Variants in SLC24A2 observed in about 807,000 individuals in gnomAD.
SLC24A2 encodes solute carrier family 24 member 2, also known as sodium/potassium/calcium exchanger 2.
A neutral mutation model predicts 62.0 loss-of-function variants in SLC24A2; 36 were observed. The observed-to-expected ratio is 0.58, with a 90% CI of 0.44 to 0.77. The LOEUF is 0.77. Among genes scored for constraint, SLC24A2 ranks in the 30% least tolerant of loss-of-function variants. SLC24A2 has a pLI of 0.00. For synonymous variants in SLC24A2, 358 were observed against 294.0 expected (o/e 1.22, Z -2.23); for missense variants, 846 against 817.9 (o/e 1.03, Z -0.42).
chr9:19,760,277 C>T (rs893332494), intron 2 of SLC24A2, among the ~76,000 whole-genome samples: 4 of 152,280 alleles, frequency 2.6e-5, no homozygotes, highest in Non-Finnish European at 5.9e-5. Flanking sequence ...TCAAGGACAA[C>T]GCACCAGTAA....
chr9:19,538,611 T>C (rs1834089217), intron 8 of SLC24A2, among the ~76,000 whole-genome samples: 1 of 73,054 alleles, frequency 1.4e-5, no homozygotes, highest in Non-Finnish European at 2.6e-5. Context: ...TTTGCCAGTA[T>C]TTTATTGAGG....
At chr9:19,802,302 G>GA in the SLC24A2 span, among the ~76,000 whole-genome samples, 1 of 152,164 alleles carries the variant, frequency 6.6e-6, no homozygotes, top group Non-Finnish European at 1.5e-5. Context: ...TATTGCATCT[G>GA]AATAGTTTGG....
At chr9:20,253,985 T>C in the SLC24A2 span, among the ~76,000 whole-genome samples, 1 of 152,122 alleles carries the variant, frequency 6.6e-6, no homozygotes, top group Middle Eastern at 3.4e-3. Flanking sequence ...AGAGGGAATA[T>C]GAGGTTGAAA....
chr9:19,873,760 G>T, the SLC24A2 span, among the ~76,000 whole-genome samples: 2 of 152,110 alleles, frequency 1.3e-5, no homozygotes, highest in African/African-American at 4.8e-5. Context: ...CCATAGTAAT[G>T]GTGGGGAAGG....
chr9:20,263,865 C>CAT, the SLC24A2 span, among the ~76,000 whole-genome samples: 5 of 55,082 alleles, frequency 9.1e-5, no homozygotes, highest in African/African-American at 4.1e-4. Flanking sequence ...CCACCCGCCC[C>CAT]CCCCCCCCCA....
the SLC24A2 span, among the ~76,000 whole-genome samples, chr9:20,167,820 A>G: frequency 6.6e-6 from 1 of 151,780 alleles, no homozygotes; most frequent in South Asian, 2.1e-4. Flanking sequence ...TTTGGCCTCA[A>G]GCAATCCTCC....
the SLC24A2 span, among the ~76,000 whole-genome samples, chr9:19,798,836 A>T: frequency 6.6e-6 from 1 of 152,214 alleles, no homozygotes; most frequent in Non-Finnish European, 1.5e-5. Flanking sequence ...TTTCTCAAAT[A>T]AGGTATGCCC....
At chr9:19,627,804 G>T (rs1017893847) in intron 2 of SLC24A2, among the ~76,000 whole-genome samples, 5 of 152,172 alleles carry the variant, frequency 3.3e-5, no homozygotes, top group African/African-American at 1.2e-4. Flanking sequence ...AAAGTGCTGA[G>T]ATTTTAGGTG....
chr9:20,119,940 C>T, the SLC24A2 span, among the ~76,000 whole-genome samples: 2 of 152,132 alleles, frequency 1.3e-5, no homozygotes, highest in Non-Finnish European at 2.9e-5. Context: ...TTATTGCCTT[C>T]CAGTTTTGTA....
chr9:20,246,830 T>C, the SLC24A2 span, among the ~76,000 whole-genome samples: 1 of 152,108 alleles, frequency 6.6e-6, no homozygotes, highest in Non-Finnish European at 1.5e-5. Flanking sequence ...CCCATGAGGG[T>C]TCCTTGCATC....
chr9:20,123,516 C>T, the SLC24A2 span, among the ~76,000 whole-genome samples: 10 of 152,158 alleles, frequency 6.6e-5, no homozygotes, highest in Non-Finnish European at 1.5e-4. Flanking sequence ...AACTCAAAAT[C>T]AGGCAGATCT....
the SLC24A2 span, among the ~76,000 whole-genome samples, chr9:19,960,483 C>G: frequency 6.6e-6 from 1 of 152,152 alleles, no homozygotes; most frequent in Non-Finnish European, 1.5e-5. Context: ...AATTTTGATT[C>G]CCTTGTGAGA....
the SLC24A2 span, among the ~76,000 whole-genome samples, chr9:20,060,201 C>T: frequency 6.6e-6 from 1 of 152,026 alleles, no homozygotes; most frequent in African/African-American, 2.4e-5. Context: ...GACCAGATGG[C>T]TTTGCTGGTG....
chr9:19,934,420 C>T, the SLC24A2 span, among the ~76,000 whole-genome samples: 1 of 152,180 alleles, frequency 6.6e-6, no homozygotes, highest in East Asian at 1.9e-4. This position sits in a 1 kb window ranked among gnomAD's most constrained non-coding sequence, Gnocchi z 4.1. Flanking sequence ...AGAGTGTATC[C>T]CGGACCCCCG....
chr9:20,045,496 A>G, the SLC24A2 span, among the ~76,000 whole-genome samples: 1 of 152,100 alleles, frequency 6.6e-6, no homozygotes, highest in African/African-American at 2.4e-5. Context: ...CGGTGGCACA[A>G]TCTTGGCTTA....
At chr9:19,666,061 A>G (rs1398573729) in intron 2 of SLC24A2, among the ~76,000 whole-genome samples, 2 of 152,184 alleles carry the variant, frequency 1.3e-5, no homozygotes, top group African/African-American at 4.8e-5. Context: ...AAAATATTTT[A>G]TAAGTAATAT....
the SLC24A2 span, among the ~76,000 whole-genome samples, chr9:20,128,754 T>C: frequency 6.6e-6 from 1 of 152,088 alleles, no homozygotes; most frequent in Non-Finnish European, 1.5e-5. Flanking sequence ...ATCAGACATT[T>C]ACATGCAAAA....
chr9:19,943,661 C>T, the SLC24A2 span, among the ~76,000 whole-genome samples: 2 of 152,178 alleles, frequency 1.3e-5, no homozygotes, highest in Admixed American at 6.5e-5. Context: ...TTCTGCTAAT[C>T]TATCTGTATT....
the SLC24A2 span, among the ~76,000 whole-genome samples, chr9:20,303,765 TAG>T: frequency 6.6e-6 from 1 of 152,224 alleles, no homozygotes; most frequent in African/African-American, 2.4e-5. Flanking sequence ...TTATTTTTAA[TAG>T]AGACACAGGC....
Sources: gnomAD v4.1 joint callset for allele counts (sites outside exome capture counted in the v4.1 genomes callset) on GRCh38, gnomAD v4.1.1 for gene constraint, Gnocchi (gnomAD v3.1) non-coding constraint, MANE v1.5 for transcripts, NCBI Gene and HGNC (gene_info 2026-07-23, HGNC 2026-07-21) for gene names.